The following ZNF541 variants were observed in gnomAD, a reference collection of about 807,000 sequenced individuals.
ZNF541 encodes zinc finger protein 541.
In ZNF541, 23 loss-of-function variants were observed where a neutral mutation model predicts 123.5. That is an observed-to-expected ratio of 0.19 (90% CI 0.13 to 0.26). The LOEUF (loss-of-function observed/expected upper bound fraction) is 0.26, where lower values mean the gene tolerates loss of function less well. Among genes scored for constraint, ZNF541 ranks in the 10% least tolerant of loss-of-function variants. The pLI, the probability that ZNF541 is intolerant of heterozygous loss-of-function variation, is 1.00. For synonymous variants in ZNF541, 751 were observed against 754.5 expected (o/e 1.00, Z 0.08); for missense variants, 1,612 against 1,789.9 (o/e 0.90, Z 1.79).
chr19:47,563,608 T>C (rs577880331), intron 2 of ZNF541, among the ~76,000 whole-genome samples: 10 of 152,202 alleles, frequency 6.6e-5, no homozygotes, highest in African/African-American at 2.4e-4. Flanking sequence ...TGAATAAAAA[T>C]CACATATATA....
chr19:47,539,570 G>C (rs1969984826), intron 8 of ZNF541, 135 bp downstream of exon 8: 2 of 1,004,764 alleles, frequency 2.0e-6, no homozygotes, highest in Non-Finnish European at 2.6e-6. Context: ...CCAAAGTGCT[G>C]GGATTACAGG....
At chr19:47,525,957 A>G (rs1969276005) in intron 14 of ZNF541, among the ~76,000 whole-genome samples, 1 of 151,580 alleles carries the variant, frequency 6.6e-6, no homozygotes, top group African/African-American at 2.4e-5. Context: ...AGAGAAAACA[A>G]GGGGAAAATC....
chr19:47,525,722 G>C (rs1045551729), intron 14 of ZNF541, among the ~76,000 whole-genome samples: 10 of 151,912 alleles, frequency 6.6e-5, no homozygotes, highest in Non-Finnish European at 1.2e-4. Flanking sequence ...GACCATCCTG[G>C]TTAACACGGT....
chr19:47,568,285 C>A (rs1971344090), intron 2 of ZNF541, among the ~76,000 whole-genome samples: 2 of 152,140 alleles, frequency 1.3e-5, no homozygotes, highest in South Asian at 4.1e-4. Flanking sequence ...ACAGCAGGTT[C>A]CTGGGAGTTG....
intron 3 of ZNF541, among the ~76,000 whole-genome samples, chr19:47,551,054 A>ATT (rs545565238): frequency 2.4e-4 from 34 of 141,088 alleles, no homozygotes; most frequent in African/African-American, 5.5e-4. Flanking sequence ...TTTTTTTTTA[A>ATT]TTTTTTTTTT....
chr19:47,547,027 A>G (rs1376462079), intron 4 of ZNF541, among the ~76,000 whole-genome samples: 1 of 152,114 alleles, frequency 6.6e-6, no homozygotes, highest in Non-Finnish European at 1.5e-5. Flanking sequence ...GGCACACAGT[A>G]GCAAATGTAA....
rs764987967 is a variant in ZNF541 at position 47,545,207 on chromosome 19, G to A, written c.1322C>T (p.Ser441Leu). 6.3e-5 allele frequency: 97 copies of A among 1,529,932 alleles called. No homozygotes were observed. Among genetic ancestry groups the A allele is most frequent in the Non-Finnish European group, 7.5e-5 (85 of 1,136,882 alleles). The allele number at this position is 1,529,932 out of a possible 1,614,324, so 94.8% of individuals were successfully genotyped here. A position where few individuals can be genotyped will look rare whatever the true frequency, so the allele number is the denominator to read the frequency against. ...FVVHKPSAVP[S>L]REGSESGPGP... ...CGGGCCAGACTCGGAGCCCTCCCGC[G>A]AGGGCACGGCCGAGGGCTTGTGGAC... Residue 441 changes from serine (S) to leucine (L), a missense_variant, in exon 5 of 17, where the codon TCG becomes TTG. Ser to Leu is a moderately radical substitution (Grantham distance 145). Coordinates refer to ENST00000391901, the MANE Select transcript of ZNF541 (RefSeq NM_001277075.3). The surrounding 1 kb of genome is among the most constrained non-coding windows in gnomAD (Gnocchi z 7.5).
intron 2 of ZNF541, among the ~76,000 whole-genome samples, chr19:47,557,717 T>G (rs1970880893): frequency 6.6e-6 from 1 of 152,108 alleles, no homozygotes; most frequent in South Asian, 2.1e-4. Flanking sequence ...CGTCTATCTG[T>G]AGTCCCAGCT....
intron 13 of ZNF541, 109 bp downstream of exon 13, chr19:47,529,468 A>G: frequency 8.8e-7 from 1 of 1,130,552 alleles, no homozygotes. Context: ...AAGGCAGGCA[A>G]AGGTCCCGAG....
rs536628016 is a variant in ZNF541 at position 47,560,168 on chromosome 19, A to C, written c.-98-4214T>G. Among the ~76,000 whole-genome samples, 4 of 152,256 alleles carry C rather than the reference A, an allele frequency of 2.6e-5. No individual in the cohort carries two copies. In the South Asian group the frequency reaches 8.3e-4, roughly 32 times the overall value. On this transcript the variant is annotated intron_variant, in intron 2 of 16. Transcript: ENST00000391901. ...GCGTTTGTTGCAAACATTAAAGTCA[A>C]ATGAACTAGATGCTGCAGGCTGGCG...
chr19:47,542,086 G>A (rs1162955032), intron 5 of ZNF541, among the ~76,000 whole-genome samples: 3 of 152,140 alleles, frequency 2.0e-5, no homozygotes, highest in Non-Finnish European at 4.4e-5. Context: ...GCCACCCCAC[G>A]GATGAGCCTG....
chr19:47,536,391 C>A (rs572224877), intron 9 of ZNF541, among the ~76,000 whole-genome samples: 1 of 152,320 alleles, frequency 6.6e-6, no homozygotes, highest in East Asian at 1.9e-4. Context: ...GCACCCGCCA[C>A]CATGCTCGTC....
chr19:47,528,265 A>T (rs2122916339), intron 14 of ZNF541, among the ~76,000 whole-genome samples: 1 of 144,196 alleles, frequency 6.9e-6, no homozygotes, highest in African/African-American at 2.5e-5. Flanking sequence ...CGGTGAGCCA[A>T]GATTGCGCCA....
chr19:47,549,071 A>G (rs1397395686), intron 4 of ZNF541, among the ~76,000 whole-genome samples, 174 bp downstream of exon 4: 1 of 151,546 alleles, frequency 6.6e-6, no homozygotes, highest in Non-Finnish European at 1.5e-5. Context: ...AGACAAAAAA[A>G]AAAAAAAAGC....
chr19:47,529,701 G>T, intron 12 of ZNF541, 49 bp from the exon 13 acceptor site: 1 of 1,496,074 alleles, frequency 6.7e-7, no homozygotes, highest in Non-Finnish European at 9.1e-7. Flanking sequence ...GGGGGAAGAG[G>T]ACCACAGGCA....
chr19:47,549,065 A>G (rs1970486590), intron 4 of ZNF541, among the ~76,000 whole-genome samples, 180 bp downstream of exon 4: 1 of 40,892 alleles, frequency 2.4e-5, no homozygotes, highest in African/African-American at 3.6e-5. Context: ...GATGACAGAC[A>G]AAAAAAAAAA....
intron 14 of ZNF541, among the ~76,000 whole-genome samples, chr19:47,528,228 T>C (rs1969395376): frequency 7.2e-6 from 1 of 138,610 alleles, no homozygotes; most frequent in African/African-American, 2.7e-5. Context: ...GGCAGGAGAA[T>C]CGCTTGAACC....
chr19:47,573,303 C>T (rs1452180125), upstream of ZNF541, among the ~76,000 whole-genome samples: 1 of 151,982 alleles, frequency 6.6e-6, no homozygotes, highest in Non-Finnish European at 1.5e-5. Flanking sequence ...CTCTCGGCTG[C>T]TTCTCCGAGG....
At chr19:47,564,367 C>T (rs1052414942) in intron 2 of ZNF541, among the ~76,000 whole-genome samples, 1 of 152,214 alleles carries the variant, frequency 6.6e-6, no homozygotes. Flanking sequence ...ACCCTCTCTA[C>T]CGATACTGAG....
Sources: gnomAD v4.1 joint callset for allele counts (sites outside exome capture counted in the v4.1 genomes callset) on GRCh38, gnomAD v4.1.1 for gene constraint, Gnocchi (gnomAD v3.1) non-coding constraint, MANE v1.5 for transcripts, NCBI Gene and HGNC (gene_info 2026-07-23, HGNC 2026-07-21) for gene names.